The following NOCT variants were observed in gnomAD, a reference collection of about 807,000 sequenced individuals.
NOCT encodes the protein CCR4 carbon catabolite repression 4-like.
In NOCT, 18 loss-of-function variants were observed where a neutral mutation model predicts 35.0. That is an observed-to-expected ratio of 0.51 (90% confidence interval 0.36 to 0.76). The LOEUF (loss-of-function observed/expected upper bound fraction) is 0.76. Ranked by LOEUF, NOCT falls within the 30% of genes least tolerant of loss-of-function variation. The pLI is 0.01. For missense variants in NOCT, 479 were observed against 541.0 expected, an observed-to-expected ratio of 0.89 and a Z score of 1.14; for synonymous variants, 235 against 226.3, an observed-to-expected ratio of 1.04 and a Z score of -0.34.
At position 139,045,651 on chromosome 4, in the gene NOCT, G is replaced by A. The variant is rs1726925803; in HGVS notation, c.*177G>A. 1 of 485,954 alleles carries A rather than the reference G, an allele frequency of 2.1e-6. No homozygotes were observed. Among genetic ancestry groups the A allele is most frequent in the African/African-American group, 2.0e-5 (1 of 50,444 alleles). The allele number at this position is 485,954 out of a possible 1,614,324, so 30.1% of individuals were successfully genotyped here. On this transcript the variant is annotated 3_prime_UTR_variant, in exon 3 of 3. Transcript: ENST00000280614. Reference sequence around the variant, plus strand: ...CCTGCCTCAGCCTCCAGAGCAACTGGGACAACAGGCGCCCGTCACCACGCC... The same window carrying A: ...CCTGCCTCAGCCTCCAGAGCAACTGAGACAACAGGCGCCCGTCACCACGCC...
chr4:139,021,920 G>A (rs1335476134), intron 1 of NOCT, among the ~76,000 whole-genome samples: 8 of 152,080 alleles, frequency 5.3e-5, no homozygotes, highest in Non-Finnish European at 4.4e-5. Flanking sequence ...CACCATGCCC[G>A]GCTAATTTTT....
At chr4:139,017,209 A>T (rs1163513913) in intron 1 of NOCT, among the ~76,000 whole-genome samples, 2 of 148,830 alleles carry the variant, frequency 1.3e-5, no homozygotes, top group Admixed American at 1.3e-4. Context: ...TTCTTTCAAA[A>T]CTAGGCAATA....
chr4:139,026,752 A>G (rs1726524953), intron 1 of NOCT, among the ~76,000 whole-genome samples: 1 of 150,798 alleles, frequency 6.6e-6, no homozygotes. Context: ...GGTTTTTGCC[A>G]TGTTGGCCAG....
At chr4:139,042,973 C>A in intron 1 of NOCT, 101 bp from the exon 2 acceptor site, 2 of 1,076,362 alleles carry the variant, frequency 1.9e-6, no homozygotes, top group Non-Finnish European at 2.7e-6. Flanking sequence ...AACAATTGAG[C>A]TCCTGGTTTC....
At chr4:139,039,704 G>A (rs1425813874) in intron 1 of NOCT, among the ~76,000 whole-genome samples, 1 of 151,614 alleles carries the variant, frequency 6.6e-6, no homozygotes, top group Non-Finnish European at 1.5e-5. Context: ...TCTGATTTAG[G>A]TTATTCTTTC....
At chr4:139,020,733 G>T (rs1726393671) in intron 1 of NOCT, among the ~76,000 whole-genome samples, 1 of 152,126 alleles carries the variant, frequency 6.6e-6, no homozygotes, top group Admixed American at 6.6e-5. Flanking sequence ...TTCCTGGAAA[G>T]CTTGAGAAGC....
chr4:139,043,384 G>C, intron 2 of NOCT, 41 bp downstream of exon 2: 1 of 1,592,002 alleles, frequency 6.3e-7, no homozygotes, highest in Non-Finnish European at 8.6e-7. Context: ...CAAGTTTGCT[G>C]TGACTGCCTT....
chr4:139,015,915 G>A lies in NOCT; in HGVS notation c.-67G>A. 1.6e-6 allele frequency: 2 copies of A among 1,221,100 alleles called. No individual in the cohort carries two copies. The highest frequency in any genetic ancestry group is 3.4e-5 in the East Asian group (1 of 29,492). The allele number at this position is 1,221,100 out of a possible 1,614,324, so 75.6% of individuals were successfully genotyped here. Reference sequence around the variant, plus strand: ...GCCCGGACAGTCGGCTCGACTCGGTGCCCTCGGCCCCAGCCGGGCTCCGCT... The same window carrying A: ...GCCCGGACAGTCGGCTCGACTCGGTACCCTCGGCCCCAGCCGGGCTCCGCT... On this transcript the variant is annotated 5_prime_UTR_variant, in exon 1 of 3. Coordinates refer to ENST00000280614, the MANE Select transcript of NOCT (RefSeq NM_012118.4).
chr4:139,041,788 C>A (rs962976689), intron 1 of NOCT, among the ~76,000 whole-genome samples: 8 of 152,132 alleles, frequency 5.3e-5, no homozygotes, highest in African/African-American at 1.9e-4. Flanking sequence ...CTGGCCTCAG[C>A]CCCTTTTCTG....
chr4:139,035,891 G>C (rs1726727202), intron 1 of NOCT, among the ~76,000 whole-genome samples: 2 of 152,020 alleles, frequency 1.3e-5, no homozygotes, highest in Admixed American at 1.3e-4. Context: ...TGCACTTGCT[G>C]TTCCCTCTGC....
intron 1 of NOCT, among the ~76,000 whole-genome samples, chr4:139,027,329 C>G (rs1475640055): frequency 6.6e-6 from 1 of 150,398 alleles, no homozygotes; most frequent in African/African-American, 2.4e-5. Flanking sequence ...TGCATGCCAC[C>G]ATGCCTGGCT....
chr4:139,029,197 A>G (rs1437436669), intron 1 of NOCT, among the ~76,000 whole-genome samples: 2 of 152,236 alleles, frequency 1.3e-5, no homozygotes, highest in Non-Finnish European at 2.9e-5. Context: ...ATGAAACAGA[A>G]TAGCTAACAT....
Position 139,045,012 on chromosome 4 carries a change from A to C in NOCT, c.834A>C (p.Arg278=), listed in dbSNP as rs1447208593. Residue 278 remains arginine (R), a synonymous_variant, in exon 3 of 3, where the codon CGA becomes CGC. Coordinates refer to ENST00000280614, the MANE Select transcript of NOCT (RefSeq NM_012118.4). ...AQTLECKESG[R]QFCIAVTHLK... The stretch of plus-strand genomic sequence containing the variant: ...CCCTGGAGTGCAAGGAGTCAGGCCG[A>C]CAGTTCTGCATCGCTGTTACCCATC... The C allele has an allele frequency of 1.9e-6, 3 of 1,614,242 alleles. No homozygotes were observed. The highest frequency in any genetic ancestry group is 2.7e-5 in the African/African-American group (2 of 75,060).
intron 2 of NOCT, 106 bp from the exon 3 acceptor site, chr4:139,044,533 A>G (rs2148648180): frequency 1.5e-6 from 1 of 675,338 alleles, no homozygotes; most frequent in South Asian, 1.9e-5. Context: ...CCAAGCATTT[A>G]AAGCAGAGGA....
rs1578635910 is a variant in NOCT, at chr4:139,045,613, T to G, written c.*139T>G. 192 of 488,352 alleles carry G rather than the reference T, an allele frequency of 3.9e-4. No individual in the cohort carries two copies. Among genetic ancestry groups the G allele is most frequent in the Non-Finnish European group, 2.8e-4 (82 of 288,070 alleles). 30.3% of individuals were successfully genotyped at this position (488,352 alleles called of 1,614,324 possible). The stretch of plus-strand genomic sequence containing the variant: ...CTCACTGCAAGATCCGCCTCCCGGG[T>G]TCATGGCATTCTCCTGCCTCAGCCT... On this transcript the variant is annotated 3_prime_UTR_variant, in exon 3 of 3. Coordinates refer to ENST00000280614, the MANE Select transcript of NOCT (RefSeq NM_012118.4).
rs751368577 is a variant in NOCT, at chr4:139,044,882, G to A, written c.704G>A (p.Gly235Asp). ...GTAGAACACAACAATGGACCAGATG[G>A]TTGTGCCTTATTTTTTCTTCAAAAC... is the stretch of plus-strand genomic sequence containing the variant. Reference protein sequence around the residue: ...LDVEHNNGPDGCALFFLQNRF... With the variant: ...LDVEHNNGPDDCALFFLQNRF... The change falls in exon 3 of 3, where the codon GGT becomes GAT. Residue 235 changes from glycine to aspartate, a missense_variant. Transcript: ENST00000280614. The A allele has an allele frequency of 1.9e-6, 3 of 1,614,004 alleles. No individual in the cohort carries two copies. The highest frequency in any genetic ancestry group is 2.5e-6 in the Non-Finnish European group (3 of 1,180,034).
At chr4:139,019,322 G>A (rs1726369154) in intron 1 of NOCT, among the ~76,000 whole-genome samples, 1 of 152,180 alleles carries the variant, frequency 6.6e-6, no homozygotes, top group Admixed American at 6.5e-5. Flanking sequence ...CCAAAGTGCT[G>A]GGATTACAGG....
chr4:139,038,061 G>T (rs544078979), intron 1 of NOCT, among the ~76,000 whole-genome samples: 1 of 152,046 alleles, frequency 6.6e-6, no homozygotes, highest in Non-Finnish European at 1.5e-5. Flanking sequence ...TTAGCCAGGC[G>T]TGGTAGAACA....
Position 139,016,109 on chromosome 4 carries a change from C to G in NOCT, c.128C>G (p.Ser43Cys). The G allele has an allele frequency of 7.6e-7, 1 of 1,319,272 alleles. No individual in the cohort carries two copies. Among genetic ancestry groups the G allele is most frequent in the Non-Finnish European group, 9.7e-7 (1 of 1,033,874 alleles). 81.7% of individuals were successfully genotyped at this position (1,319,272 alleles called of 1,614,324 possible). ...CCGGCTGCTGTTCCCAGGCCCGCATCCCCCCGGCTGCTGGCGGCGGCCTCG... is the reference window on the plus strand; with the variant it reads ...CCGGCTGCTGTTCCCAGGCCCGCATGCCCCCGGCTGCTGGCGGCGGCCTCG... ...SPPAAVPRPA[S>C]PRLLAAASAA... Residue 43 changes from serine to cysteine, a missense_variant, in exon 1 of 3, where the codon TCC becomes TGC. Coordinates refer to ENST00000280614, the MANE Select transcript of NOCT (RefSeq NM_012118.4).
Sources: allele counts gnomAD v4.1 joint callset (sites outside exome capture counted in the v4.1 genomes callset), GRCh38; gene constraint gnomAD v4.1.1; transcripts MANE v1.5; gene names NCBI Gene and HGNC (gene_info 2026-07-23, HGNC 2026-07-21).